Variants in SLC12A4 observed in about 807,000 individuals in gnomAD.
SLC12A4 encodes electroneutral potassium-chloride cotransporter 1.
A neutral mutation model predicts 119.2 loss-of-function variants in SLC12A4; 84 were observed. The ratio of observed to expected loss-of-function variants is 0.70; its 90% confidence interval spans 0.59 to 0.85. The LOEUF is 0.85. SLC12A4 is among the 40% of genes least tolerant of loss of function. SLC12A4 has a pLI of 0.00. For synonymous variants in SLC12A4, 599 were observed against 604.6 expected (o/e 0.99, Z 0.14); for missense variants, 1,298 against 1,476.3 (o/e 0.88, Z 1.98).
At position 67,957,855 on chromosome 16, in the gene SLC12A4, G is replaced by A. The variant is rs188647053; in HGVS notation, c.489+43C>T. The stretch of plus-strand genomic sequence containing the variant: ...CTGGGTGGGCTCTGTGGGGGCAGCC[G>A]TGGCCCATGCCCAGCCCAACCCTCC... On this transcript the variant is annotated intron_variant, in intron 4 of 23. Transcript: ENST00000316341. The A allele has an allele frequency of 4.8e-4, 768 of 1,614,024 alleles. 5 individuals carry two copies. The East Asian group carries it at 7.2e-3, about 15-fold the overall frequency.
In SLC12A4 at chr16:67,954,626, G is replaced by A; in HGVS notation, c.675+17C>T. On this transcript the variant is annotated intron_variant, in intron 6 of 23. Transcript: ENST00000316341. The stretch of plus-strand genomic sequence containing the variant: ...TTTGGACATGGCCAGAGTTGGCCAG[G>A]GCTCAGCCTGACTCACCAGCAAGAT... 5 of 1,614,064 alleles carry A rather than the reference G, an allele frequency of 3.1e-6. No homozygotes were observed. Among genetic ancestry groups the A allele is most frequent in the Non-Finnish European group, 4.2e-6 (5 of 1,179,950 alleles).
intron 3 of SLC12A4, among the ~76,000 whole-genome samples, chr16:67,958,402 G>T (rs1449647548): frequency 1.3e-5 from 2 of 152,050 alleles, no homozygotes; most frequent in Admixed American, 1.3e-4. Flanking sequence ...AGTCCCAGAA[G>T]TCATCCCTGG....
Position 67,945,070 on chromosome 16 carries a change from T to C in SLC12A4, c.3166+17A>G, listed in dbSNP as rs750655768. The stretch of plus-strand genomic sequence containing the variant: ...GCTATCCACCTCCCAACTGCCTGCC[T>C]CTCCACAAAGGGATACAGTTCTCGT... On this transcript the variant is annotated intron_variant, in intron 23 of 23. Coordinates refer to ENST00000316341, the MANE Select transcript of SLC12A4 (RefSeq NM_005072.5). The C allele has an allele frequency of 1.9e-6, 3 of 1,576,038 alleles. No homozygotes were observed. Among genetic ancestry groups the C allele is most frequent in the Middle Eastern group, 1.7e-4 (1 of 5,906 alleles).
intron 2 of SLC12A4, among the ~76,000 whole-genome samples, 196 bp from the exon 3 acceptor site, chr16:67,961,902 C>T (rs1488393108): frequency 6.6e-6 from 1 of 152,238 alleles, no homozygotes; most frequent in African/African-American, 2.4e-5. Flanking sequence ...CACTCAAAGG[C>T]CCAGCCCCGC....
Position 67,951,111 on chromosome 16 carries a change from G to T in SLC12A4, c.1297+29C>A. 1 of 1,613,832 alleles carries T rather than the reference G, an allele frequency of 6.2e-7. No homozygotes were observed. Among genetic ancestry groups the T allele is most frequent in the Non-Finnish European group, 8.5e-7 (1 of 1,179,826 alleles). On this transcript the variant is annotated intron_variant, in intron 9 of 23. Transcript: ENST00000316341. The surrounding 1 kb of genome is among the most constrained non-coding windows in gnomAD (Gnocchi z 5.2). ...AGGGGCTCCCCGGGATTGGGGACAG[G>T]GCTGGGTGGGTAGGCAGGCAGGGCT...
Position 67,945,878 on chromosome 16 carries a change from A to G in SLC12A4, c.2740-7T>C. On this transcript the variant is annotated splice_polypyrimidine_tract_variant and splice_region_variant and intron_variant, in intron 20 of 23. Coordinates refer to ENST00000316341, the MANE Select transcript of SLC12A4 (RefSeq NM_005072.5). ...CAGAGATGTCACTGTTATGCTGGGG[A>G]CAGGGTTGGCCGTGAGGACCCAGCT... is the stretch of plus-strand genomic sequence containing the variant. The G allele has an allele frequency of 6.2e-7, 1 of 1,613,866 alleles. No homozygotes were observed. Among genetic ancestry groups the G allele is most frequent in the Non-Finnish European group, 8.5e-7 (1 of 1,179,908 alleles).
rs2030502333 is a variant in SLC12A4 at position 67,960,484 on chromosome 16, T to C, written c.342+1091A>G. 1.3e-5 allele frequency among the ~76,000 whole-genome samples: 2 copies of C among 151,768 alleles called. 1 individual carries two copies. Among genetic ancestry groups the C allele is most frequent in the South Asian group, 4.2e-4 (2 of 4,812 alleles). ...GGGCAAGGTGAGAGACGCGCTTCAG[T>C]GGGGTCTACCTTCTCTGCTGGCCCC... On this transcript the variant is annotated intron_variant, in intron 3 of 23. Coordinates refer to ENST00000316341, the MANE Select transcript of SLC12A4 (RefSeq NM_005072.5).
At position 67,945,081 on chromosome 16, in the gene SLC12A4, G is replaced by A. The variant is rs761019137; in HGVS notation, c.3166+6C>T. The A allele has an allele frequency of 6.3e-7, 1 of 1,579,236 alleles. No individual in the cohort carries two copies. The highest frequency in any genetic ancestry group is 1.2e-5 in the South Asian group (1 of 86,266). On this transcript the variant is annotated splice_donor_region_variant and intron_variant, in intron 23 of 23. Coordinates refer to ENST00000316341, the MANE Select transcript of SLC12A4 (RefSeq NM_005072.5). ...CCCAACTGCCTGCCTCTCCACAAAG[G>A]GATACAGTTCTCGTCGCCCTCACTG...
At chr16:67,945,296 C>T (rs1034008361) in intron 22 of SLC12A4, 73 bp downstream of exon 22, 2 of 1,566,820 alleles carry the variant, frequency 1.3e-6, no homozygotes, top group Non-Finnish European at 1.7e-6. Context: ...GCCCATCTAA[C>T]ACTACTTGTC....
chr16:67,957,094 C>T (rs1236616101), intron 5 of SLC12A4, among the ~76,000 whole-genome samples: 1 of 151,816 alleles, frequency 6.6e-6, no homozygotes. Context: ...ACCTCTGCCT[C>T]CTGGGTTCAA....
In SLC12A4 at chr16:67,943,731, C is replaced by T. The variant is rs2058308512; in HGVS notation, c.*1109G>A. 3.5e-6 allele frequency: 2 copies of T among 570,770 alleles called. No homozygotes were observed. The highest frequency in any genetic ancestry group is 2.9e-5 in the East Asian group (1 of 34,412). The allele number at this position is 570,770 out of a possible 1,614,324, so 35.4% of individuals were successfully genotyped here. On this transcript the variant is annotated 3_prime_UTR_variant, in exon 24 of 24. Transcript: ENST00000316341. The surrounding 1 kb of genome is among the most constrained non-coding windows in gnomAD (Gnocchi z 4.6). Reference sequence around the variant, plus strand: ...CAGGCACACCCCGTCCCCCACTCCGCCCCCCCTGGGTTAGACAACTGAGAG... The same window carrying T: ...CAGGCACACCCCGTCCCCCACTCCGTCCCCCCTGGGTTAGACAACTGAGAG...
In SLC12A4 at chr16:67,950,231, C is replaced by T. The variant is rs1160425624; in HGVS notation, c.1629+88G>A. On this transcript the variant is annotated intron_variant, in intron 12 of 23. Coordinates refer to ENST00000316341, the MANE Select transcript of SLC12A4 (RefSeq NM_005072.5). The surrounding 1 kb of genome is among the most constrained non-coding windows in gnomAD (Gnocchi z 4.3). ...GCCCCGGGGGCCAATAAGGGCAGGA[C>T]GTGCTGCATCTGTGTTCCCTATCTC... 5 of 1,481,864 alleles carry T rather than the reference C, an allele frequency of 3.4e-6. No individual in the cohort carries two copies. The highest frequency in any genetic ancestry group is 2.7e-6 in the Non-Finnish European group (3 of 1,091,278). 91.8% of individuals were successfully genotyped at this position (1,481,864 alleles called of 1,614,324 possible). A position where few individuals can be genotyped will look rare whatever the true frequency, so the allele number is the denominator to read the frequency against.
In SLC12A4 at chr16:67,943,928, G is replaced by C; in HGVS notation, c.*912C>G. 6.5e-7 allele frequency: 1 copy of C among 1,538,894 alleles called. No homozygotes were observed. The highest frequency in any genetic ancestry group is 8.8e-7 in the Non-Finnish European group (1 of 1,139,920). On this transcript the variant is annotated 3_prime_UTR_variant, in exon 24 of 24. Coordinates refer to ENST00000316341, the MANE Select transcript of SLC12A4 (RefSeq NM_005072.5). The surrounding 1 kb of genome is among the most constrained non-coding windows in gnomAD (Gnocchi z 4.6). ...CCCCAGGGTCTGGCGTGGTGCATCA[G>C]GGGCCTGGTGGGGGCTTACCGAGGA...
intron 5 of SLC12A4, chr16:67,957,529 TGGTA>T: frequency 6.7e-6 from 4 of 595,740 alleles, no homozygotes; most frequent in African/African-American, 1.9e-5. Flanking sequence ...TTTTCTTTTT[TGGTA>T]TTGCTTTTAT....
At position 67,952,190 on chromosome 16, in the gene SLC12A4, A is replaced by G. The variant is rs367973991; in HGVS notation, c.911T>C (p.Val304Ala). Residue 304 changes from valine to alanine, a missense_variant, in exon 7 of 24, where the codon GTG becomes GCG. Physicochemically the swap from Val to Ala is moderately conservative, Grantham distance 64. Transcript: ENST00000316341. ...AAATTCCTGGGTTACTTACGGAAAC[A>G]CGGGAGGGTCAAATATAGACTTTAT... ...GGIKSIFDPP[V>A]FPVCMLGNRT... The G allele has an allele frequency of 1.1e-5, 18 of 1,613,858 alleles. No homozygotes were observed. The highest frequency in any genetic ancestry group is 1.4e-5 in the Non-Finnish European group (17 of 1,179,920).
intron 6 of SLC12A4, among the ~76,000 whole-genome samples, chr16:67,954,440 C>T (rs980484314): frequency 6.6e-6 from 1 of 152,240 alleles, no homozygotes; most frequent in Non-Finnish European, 1.5e-5. Context: ...AGCCAGGCCT[C>T]TGCCTTGCCT....
chr16:67,944,345 T>C lies in SLC12A4; in HGVS notation c.*495A>G. On this transcript the variant is annotated 3_prime_UTR_variant, in exon 24 of 24. Transcript: ENST00000316341. The surrounding 1 kb of genome is among the most constrained non-coding windows in gnomAD (Gnocchi z 6.6). ...GCAGGAGGCCCAGAACTACACAATG[T>C]TTTATTGAAAAAGTCAGGCCTCAGC... 1 of 1,369,782 alleles carries C rather than the reference T, an allele frequency of 7.3e-7. No individual in the cohort carries two copies. The highest frequency in any genetic ancestry group is 2.7e-5 in the East Asian group (1 of 37,670). 84.9% of individuals were successfully genotyped at this position (1,369,782 alleles called of 1,614,324 possible).
In SLC12A4 at chr16:67,943,873, G is replaced by C; in HGVS notation, c.*967C>G. ...ATGCAGGGCAGAAGGGCTTTGGCCAGGTCAGCTGCCAGGGGCTGGGGCCCA... is the reference window on the plus strand; with the variant it reads ...ATGCAGGGCAGAAGGGCTTTGGCCACGTCAGCTGCCAGGGGCTGGGGCCCA... On this transcript the variant is annotated 3_prime_UTR_variant, in exon 24 of 24. Transcript: ENST00000316341. This position sits in a 1 kb window ranked among gnomAD's most constrained non-coding sequence, Gnocchi z 4.6. 1 of 1,397,392 alleles carries C rather than the reference G, an allele frequency of 7.2e-7. No individual in the cohort carries two copies. Among genetic ancestry groups the C allele is most frequent in the East Asian group, 2.5e-5 (1 of 39,856 alleles). The allele number at this position is 1,397,392 out of a possible 1,614,324, so 86.6% of individuals were successfully genotyped here.
In SLC12A4 at chr16:67,945,409, G is replaced by A. The variant is rs371888241; in HGVS notation, c.2992C>T (p.His998Tyr). The change falls in exon 22 of 24, where the codon CAT becomes TAT. Residue 998 changes from histidine (H) to tyrosine (Y), a missense_variant. Coordinates refer to ENST00000316341, the MANE Select transcript of SLC12A4 (RefSeq NM_005072.5). ...KYMTETWDPS[H>Y]APDNFRELVH... ...AGCTCCCGGAAATTGTCAGGGGCAT[G>A]GCTGGGGTCCCAGGTCTCAGTCATG... 2.5e-5 allele frequency: 41 copies of A among 1,613,924 alleles called. No individual in the cohort carries two copies. The highest frequency in any genetic ancestry group is 2.2e-5 in the East Asian group (1 of 44,892).
Sources: gnomAD v4.1 joint callset for allele counts (sites outside exome capture counted in the v4.1 genomes callset) on GRCh38, gnomAD v4.1.1 for gene constraint, Gnocchi (gnomAD v3.1) non-coding constraint, MANE v1.5 for transcripts, NCBI Gene and HGNC (gene_info 2026-07-23, HGNC 2026-07-21) for gene names.